The following ABTB2 variants were observed in gnomAD, a reference collection of about 807,000 sequenced individuals.
ABTB2 encodes ankyrin repeat and BTB domain containing 2.
A neutral mutation model predicts 104.1 loss-of-function variants in ABTB2; 56 were observed. The observed-to-expected ratio is 0.54, with a 90% CI of 0.43 to 0.67. ABTB2 has a LOEUF of 0.67. Ranked by LOEUF, ABTB2 falls within the 30% of genes least tolerant of loss-of-function variation. The pLI is 0.00. For synonymous variants in ABTB2, 606 were observed against 608.2 expected (o/e 1.00, Z 0.05); for missense variants, 1,279 against 1,407.7 (o/e 0.91, Z 1.46).
intron 1 of ABTB2, among the ~76,000 whole-genome samples, chr11:34,237,501 A>G (rs1428427090): frequency 6.6e-6 from 1 of 152,148 alleles, no homozygotes; most frequent in Non-Finnish European, 1.5e-5. Flanking sequence ...TGAATTTGCC[A>G]GATTTATGAT....
At chr11:34,248,374 T>A (rs1013355630) in intron 1 of ABTB2, among the ~76,000 whole-genome samples, 2 of 152,176 alleles carry the variant, frequency 1.3e-5, no homozygotes, top group Admixed American at 6.5e-5. Context: ...TATGAGCCAC[T>A]GTACCTGGCC....
chr11:34,197,274 C>A lies in ABTB2; in HGVS notation c.1244+51G>T, dbSNP rs1304521827. The A allele has an allele frequency of 2.5e-6, 4 of 1,586,302 alleles. No individual in the cohort carries two copies. The South Asian group carries it at 3.3e-5, about 13-fold the overall frequency. ...GTCAGTGTCAGTCAGTCGGTCAATG[C>A]ACGTTTGGGAGCACGTCCCACCAGG... On this transcript the variant is annotated intron_variant, in intron 3 of 16. Coordinates refer to ENST00000435224, the MANE Select transcript of ABTB2 (RefSeq NM_145804.3).
At chr11:34,167,072 C>T (rs1417237247) in intron 7 of ABTB2, among the ~76,000 whole-genome samples, 187 bp downstream of exon 7, 3 of 152,244 alleles carry the variant, frequency 2.0e-5, no homozygotes, top group Non-Finnish European at 4.4e-5. Context: ...TGTCCTTGCA[C>T]TAACCCCTTT....
chr11:34,181,397 TAGGC>T (rs1322580709), intron 3 of ABTB2, among the ~76,000 whole-genome samples: 1 of 151,914 alleles, frequency 6.6e-6, no homozygotes, highest in African/African-American at 2.4e-5. Flanking sequence ...TTCCCCGGGG[TAGGC>T]AGGGACCCCA....
chr11:34,302,414 C>G (rs1031187635), intron 1 of ABTB2, among the ~76,000 whole-genome samples: 2 of 152,180 alleles, frequency 1.3e-5, no homozygotes, highest in Non-Finnish European at 2.9e-5. Context: ...CATGACTGGT[C>G]AGATTCAAAT....
intron 1 of ABTB2, among the ~76,000 whole-genome samples, chr11:34,315,291 C>T (rs1237930585): frequency 6.6e-6 from 1 of 152,192 alleles, no homozygotes; most frequent in Non-Finnish European, 1.5e-5. Flanking sequence ...CTGGGTTTCA[C>T]TGAATAAACA....
At chr11:34,210,523 C>A (rs1565142028) in intron 1 of ABTB2, among the ~76,000 whole-genome samples, 1 of 152,232 alleles carries the variant, frequency 6.6e-6, no homozygotes, top group East Asian at 1.9e-4. Context: ...CTTTATCTGA[C>A]CATTCATCAA....
chr11:34,293,492 G>C (rs974818126), intron 1 of ABTB2, among the ~76,000 whole-genome samples: 1 of 152,158 alleles, frequency 6.6e-6, no homozygotes, highest in Admixed American at 6.5e-5. Context: ...TCAGGAGAAG[G>C]AATAATTCTC....
intron 1 of ABTB2, among the ~76,000 whole-genome samples, chr11:34,331,601 C>T (rs1256835103): frequency 6.6e-6 from 1 of 152,178 alleles, no homozygotes; most frequent in Admixed American, 6.5e-5. Context: ...TCTTCCATAA[C>T]AAACATCTCT....
intron 1 of ABTB2, among the ~76,000 whole-genome samples, chr11:34,319,242 C>T (rs758192969): frequency 2.6e-5 from 4 of 152,228 alleles, no homozygotes; most frequent in Non-Finnish European, 4.4e-5. Flanking sequence ...ACAACCCCAC[C>T]GACTTCAGAT....
At chr11:34,182,738 G>A (rs1007728001) in intron 3 of ABTB2, among the ~76,000 whole-genome samples, 1 of 152,014 alleles carries the variant, frequency 6.6e-6, no homozygotes, top group African/African-American at 2.4e-5. Context: ...GGGCCTTCAG[G>A]AGTAATAGAA....
intron 1 of ABTB2, among the ~76,000 whole-genome samples, chr11:34,320,390 G>T (rs1854985522): frequency 6.6e-6 from 1 of 152,168 alleles, no homozygotes; most frequent in African/African-American, 2.4e-5. Flanking sequence ...TCCTAAAAAT[G>T]TACTCAGTGG....
At chr11:34,182,924 A>G (rs149237994) in intron 3 of ABTB2, among the ~76,000 whole-genome samples, 133 of 152,178 alleles carry the variant, frequency 8.7e-4, no homozygotes, top group Non-Finnish European at 1.5e-3. Flanking sequence ...GCCCTATGTC[A>G]TGCACCTGCC....
At chr11:34,191,341 G>C (rs536307232) in intron 3 of ABTB2, among the ~76,000 whole-genome samples, 1 of 152,318 alleles carries the variant, frequency 6.6e-6, no homozygotes, top group East Asian at 1.9e-4. Flanking sequence ...ACGTTCGCTG[G>C]CTCCAGCTCT....
intron 1 of ABTB2, among the ~76,000 whole-genome samples, chr11:34,295,311 C>T (rs115557029): frequency 3.5e-4 from 54 of 152,252 alleles, no homozygotes; most frequent in Middle Eastern, 3.4e-3. Context: ...GGGACCCTAA[C>T]GTACAAGTTG....
intron 6 of ABTB2, 102 bp downstream of exon 6, chr11:34,167,801 T>C: frequency 8.3e-7 from 1 of 1,208,578 alleles, no homozygotes; most frequent in Non-Finnish European, 1.2e-6. Flanking sequence ...GACACACATC[T>C]ACTCAGTTGC....
intron 1 of ABTB2, among the ~76,000 whole-genome samples, chr11:34,282,176 C>T (rs1222170982): frequency 6.6e-6 from 1 of 152,166 alleles, no homozygotes; most frequent in Non-Finnish European, 1.5e-5. Context: ...GCCGAAGCAG[C>T]TCTCTGGGGC....
At chr11:34,230,390 A>G (rs1853753307) in intron 1 of ABTB2, among the ~76,000 whole-genome samples, 1 of 152,200 alleles carries the variant, frequency 6.6e-6, no homozygotes, top group African/African-American at 2.4e-5. Context: ...TACCCAGACA[A>G]GTCCTCAGCC....
intron 1 of ABTB2, among the ~76,000 whole-genome samples, chr11:34,320,079 G>A (rs1854983106): frequency 6.6e-6 from 1 of 152,162 alleles, no homozygotes; most frequent in East Asian, 1.9e-4. Context: ...ATTAAAATGA[G>A]CTAGTGAGTA....
Sources: allele counts gnomAD v4.1 joint callset (sites outside exome capture counted in the v4.1 genomes callset), GRCh38; gene constraint gnomAD v4.1.1; transcripts MANE v1.5; gene names NCBI Gene and HGNC (gene_info 2026-07-23, HGNC 2026-07-21).